IFIH1: variants seen among roughly 807,000 people sequenced by gnomAD.
The protein encoded by IFIH1 is interferon induced with helicase C domain 1.
IFIH1 carries 125 observed loss-of-function variants against 107.4 expected under a neutral mutation model. The ratio of observed to expected loss-of-function variants is 1.16; its 90% CI spans 1.01 to 1.35. IFIH1 has a LOEUF of 1.35. Ranked by LOEUF, IFIH1 falls within the 40% of genes most tolerant of loss-of-function variation. The pLI, the probability that IFIH1 is intolerant of heterozygous loss-of-function variation, is 0.00. For synonymous variants in IFIH1, 458 were observed against 413.2 expected (o/e 1.11, Z -1.31); for missense variants, 1,333 against 1,213.7 (o/e 1.10, Z -1.46).
intron 4 of IFIH1, among the ~76,000 whole-genome samples, chr2:162,290,897 C>T (rs1490831269): frequency 1.3e-5 from 2 of 151,798 alleles, no homozygotes; most frequent in Admixed American, 1.3e-4. Context: ...AGAATTTATC[C>T]ACAGAAGCAA....
rs759886473 is a variant in IFIH1 at position 162,267,399 on chromosome 2, G to A, written c.2899-20C>T. 1 of 1,613,864 alleles carries A rather than the reference G, an allele frequency of 6.2e-7. No individual in the cohort carries two copies. The highest frequency in any genetic ancestry group is 8.5e-7 in the Non-Finnish European group (1 of 1,179,888). On this transcript the variant is annotated intron_variant, in intron 15 of 15. Coordinates refer to ENST00000649979, the MANE Select transcript of IFIH1 (RefSeq NM_022168.4). ...CCAAGCCTGGAAAACAAAAGAGAGA[G>A]CAAGAGGAAAATTAAATGTACATGC...
chr2:162,303,471 T>C lies in IFIH1; in HGVS notation c.769+3238A>G, dbSNP rs141566068. On this transcript the variant is annotated intron_variant, in intron 3 of 15. Coordinates refer to ENST00000649979, the MANE Select transcript of IFIH1 (RefSeq NM_022168.4). ...ATCACAATCTCCAGATAGAGTCATA[T>C]TAGGCTCCATGGCCATGAAGCCATT... Among the ~76,000 whole-genome samples the C allele has an allele frequency of 5.4e-3, 827 of 152,248 alleles. 3 individuals carry two copies. Among genetic ancestry groups the C allele is most frequent in the Non-Finnish European group, 8.4e-3 (570 of 68,026 alleles).
At chr2:162,280,493 C>A (rs1012424489) in intron 7 of IFIH1, among the ~76,000 whole-genome samples, 1 of 151,764 alleles carries the variant, frequency 6.6e-6, no homozygotes, top group Admixed American at 6.6e-5. Context: ...TTGAGATAAC[C>A]ATGTTACATG....
intron 11 of IFIH1, among the ~76,000 whole-genome samples, chr2:162,274,647 A>T (rs1274439966): frequency 6.6e-6 from 1 of 152,046 alleles, no homozygotes; most frequent in Non-Finnish European, 1.5e-5. Flanking sequence ...AAATGAAAAA[A>T]CTCTGAATTT....
At chr2:162,299,944 A>G (rs1683163917) in intron 3 of IFIH1, among the ~76,000 whole-genome samples, 1 of 152,072 alleles carries the variant, frequency 6.6e-6, no homozygotes, top group Non-Finnish European at 1.5e-5. Flanking sequence ...TGCCACTTCT[A>G]TTTACAAATC....
In IFIH1 at chr2:162,310,770, T is replaced by C; in HGVS notation, c.617A>G (p.Asn206Ser). The C allele has an allele frequency of 6.2e-7, 1 of 1,613,312 alleles. No homozygotes were observed. The highest frequency in any genetic ancestry group is 8.5e-7 in the Non-Finnish European group (1 of 1,179,436). ...ELTGSDCSES[N>S]AEIENLSQVD... Reference sequence around the variant, plus strand: ...CTCAGTAAAATTACAAATACCTGCATTGCTTTCTGAGCAATCAGAGCCTGT... The same window carrying C: ...CTCAGTAAAATTACAAATACCTGCACTGCTTTCTGAGCAATCAGAGCCTGT... Residue 206 changes from asparagine to serine, a missense_variant, in exon 2 of 16, where the codon AAT (asparagine) becomes AGT (serine). Asn to Ser is a conservative substitution (Grantham distance 46). Transcript: ENST00000649979.
intron 1 of IFIH1, among the ~76,000 whole-genome samples, chr2:162,314,094 T>C (rs1683428146): frequency 6.6e-6 from 1 of 152,178 alleles, no homozygotes; most frequent in African/African-American, 2.4e-5. Context: ...GAAATGTTTA[T>C]ATGATCACTT....
chr2:162,314,797 C>A (rs1683458761), intron 1 of IFIH1, among the ~76,000 whole-genome samples: 1 of 152,080 alleles, frequency 6.6e-6, no homozygotes, highest in Non-Finnish European at 1.5e-5. Flanking sequence ...CTACAGTAGA[C>A]ATTCTTTTAT....
At chr2:162,280,582 A>T (rs931648755) in intron 7 of IFIH1, among the ~76,000 whole-genome samples, 6 of 152,040 alleles carry the variant, frequency 3.9e-5, no homozygotes, top group Admixed American at 6.6e-5. Context: ...ATCTACACAT[A>T]AAGCTGGGAG....
chr2:162,283,056 C>A (rs12464391), intron 5 of IFIH1, among the ~76,000 whole-genome samples: 18,888 of 151,514 alleles, frequency 0.12, 2,705 homozygotes, highest in African/African-American at 0.32. Context: ...ATTTGTAGAG[C>A]AGTGCCAGGT....
chr2:162,302,607 G>C (rs1251928227), intron 3 of IFIH1, among the ~76,000 whole-genome samples: 3 of 152,190 alleles, frequency 2.0e-5, no homozygotes, highest in Non-Finnish European at 4.4e-5. Context: ...GCCTATGCAG[G>C]CAAAACCCTT....
rs1431355049 is a variant in IFIH1 at position 162,280,033 on chromosome 2, G to A, written c.1604C>T (p.Pro535Leu). The A allele has an allele frequency of 6.2e-7, 1 of 1,610,534 alleles. No homozygotes were observed. Reference sequence around the variant, plus strand: ...ATCTGCAATGGCAAACTTCTTGCATGGCTCCTGTATTTGGTTTTTCAGTTG... The same window carrying A: ...ATCTGCAATGGCAAACTTCTTGCATAGCTCCTGTATTTGGTTTTTCAGTTG... Reference protein sequence around the residue: ...LDQLKNQIQEPCKKFAIADAT... With the variant: ...LDQLKNQIQELCKKFAIADAT... The change falls in exon 8 of 16, where the codon CCA (proline) becomes CTA (leucine). Residue 535 changes from proline to leucine, a missense_variant. Physicochemically the swap from Pro to Leu is moderately conservative, Grantham distance 98. Transcript: ENST00000649979.
chr2:162,284,102 G>A (rs1458528678), intron 5 of IFIH1, among the ~76,000 whole-genome samples: 2 of 151,814 alleles, frequency 1.3e-5, no homozygotes, highest in South Asian at 4.2e-4. Flanking sequence ...ACAATCTCTG[G>A]GGGGCAGAGG....
chr2:162,313,817 A>T (rs1412783758), intron 1 of IFIH1, among the ~76,000 whole-genome samples: 1 of 152,190 alleles, frequency 6.6e-6, no homozygotes, highest in Non-Finnish European at 1.5e-5. Flanking sequence ...TTTCTTATTC[A>T]TACTTTTTTT....
chr2:162,296,059 C>A (rs900676978), intron 3 of IFIH1, among the ~76,000 whole-genome samples: 6 of 152,108 alleles, frequency 3.9e-5, no homozygotes, highest in African/African-American at 1.4e-4. Context: ...AAGACTGTAT[C>A]ATTAAATTTT....
intron 3 of IFIH1, among the ~76,000 whole-genome samples, chr2:162,306,204 A>G (rs1456959703): frequency 6.6e-6 from 1 of 152,222 alleles, no homozygotes; most frequent in Non-Finnish European, 1.5e-5. Context: ...GGTAGTCTTC[A>G]GTCCTCACCG....
chr2:162,276,846 A>T lies in IFIH1; in HGVS notation c.2145T>A (p.Thr715=), dbSNP rs767765452. 13 of 1,613,754 alleles carry T rather than the reference A, an allele frequency of 8.1e-6. No homozygotes were observed. Among genetic ancestry groups the T allele is most frequent in the Non-Finnish European group, 1.0e-5 (12 of 1,179,840 alleles). ...AGATTATTCCTCGTGCTGATTCCTC[A>T]GTCCTAGTATATTGCTCCATTATGG... is the stretch of plus-strand genomic sequence containing the variant. The part of the protein sequence containing the change: ...RNTIMEQYTR[T]EESARGIIFT... Residue 715 remains threonine (T), a synonymous_variant, in exon 11 of 16, where the codon ACT becomes ACA. Coordinates refer to ENST00000649979, the MANE Select transcript of IFIH1 (RefSeq NM_022168.4).
At chr2:162,317,016 GGTGTGTGT>G (rs56835671) in intron 1 of IFIH1, among the ~76,000 whole-genome samples, 2 of 143,946 alleles carry the variant, frequency 1.4e-5, no homozygotes, top group Admixed American at 6.9e-5. Context: ...AAAGAAAAAG[GGTGTGTGT>G]GTGTGTGTGT....
chr2:162,276,859 T>G lies in IFIH1; in HGVS notation c.2132A>C (p.Gln711Pro). The stretch of plus-strand genomic sequence containing the variant: ...TGCTGATTCCTCAGTCCTAGTATAT[T>G]GCTCCATTATGGTATTTCTTAATTT... ...LTKLRNTIME[Q>P]YTRTEESARG... is the part of the protein sequence containing the mutation. Residue 711 changes from glutamine to proline, a missense_variant, in exon 11 of 16, where the codon CAA becomes CCA. Transcript: ENST00000649979. 6.2e-7 allele frequency: 1 copy of G among 1,613,788 alleles called. No homozygotes were observed. The highest frequency in any genetic ancestry group is 8.5e-7 in the Non-Finnish European group (1 of 1,179,774).
Sources: allele counts gnomAD v4.1 joint callset (sites outside exome capture counted in the v4.1 genomes callset), GRCh38; gene constraint gnomAD v4.1.1; transcripts MANE v1.5; gene names NCBI Gene and HGNC (gene_info 2026-07-23, HGNC 2026-07-21).